Variants in IL21 observed in about 807,000 individuals in gnomAD.
The protein encoded by IL21 is interleukin-21.
In IL21, 3 loss-of-function variants were observed where a neutral mutation model predicts 18.4. That is an observed-to-expected ratio of 0.16 (90% CI 0.07 to 0.42). IL21 has a LOEUF of 0.42. Ranked by LOEUF, IL21 falls within the 10% of genes least tolerant of loss-of-function variation. IL21 has a pLI of 0.99. For synonymous variants in IL21, 37 were observed against 62.0 expected (o/e 0.60, Z 1.90); for missense variants, 130 against 188.4 (o/e 0.69, Z 1.81).
At chr4:122,616,065 TTA>T (rs562561460) in intron 2 of IL21, among the ~76,000 whole-genome samples, 4 of 152,316 alleles carry the variant, frequency 2.6e-5, no homozygotes, top group African/African-American at 9.6e-5. Flanking sequence ...TCACAATGCT[TTA>T]TTCCTGATGC....
chr4:122,615,393 C>T (rs772043621), intron 3 of IL21, among the ~76,000 whole-genome samples: 2 of 151,992 alleles, frequency 1.3e-5, no homozygotes, highest in Non-Finnish European at 2.9e-5. Context: ...GGCATGGTGG[C>T]GGGCACCTGT....
Position 122,612,945 on chromosome 4 carries a change from AAGTAAC to A in IL21, c.361-23_361-18del, listed in dbSNP as rs1799280712. The A allele has an allele frequency of 6.8e-7, 1 of 1,479,616 alleles. No homozygotes were observed. The highest frequency in any genetic ancestry group is 9.2e-7 in the Non-Finnish European group (1 of 1,084,926). The allele number at this position is 1,479,616 out of a possible 1,614,324, so 91.7% of individuals were successfully genotyped here. On this transcript the variant is annotated intron_variant, in intron 3 of 4. Transcript: ENST00000648588. ...AGGGCATGTCTAGAAATCAATGAAA[AAGTAAC>A]AGTCTTCTTTAAAATTTTTTTCGTA...
intron 2 of IL21, among the ~76,000 whole-genome samples, chr4:122,617,419 C>T (rs1418670484): frequency 2.0e-5 from 3 of 152,052 alleles, no homozygotes; most frequent in Admixed American, 6.6e-5. Flanking sequence ...CTGCTTCATC[C>T]GTGATGATCT....
intron 2 of IL21, among the ~76,000 whole-genome samples, chr4:122,617,279 A>G (rs1278373058): frequency 6.6e-6 from 1 of 152,166 alleles, no homozygotes; most frequent in Non-Finnish European, 1.5e-5. Flanking sequence ...TTTCCTTGAA[A>G]ACCACACGTT....
At chr4:122,613,794 A>G (rs1799298053) in intron 3 of IL21, among the ~76,000 whole-genome samples, 1 of 152,256 alleles carries the variant, frequency 6.6e-6, no homozygotes, top group Non-Finnish European at 1.5e-5. Context: ...GCTTTGATAT[A>G]CATTATAAAG....
At position 122,616,522 on chromosome 4, in the gene IL21, GT is replaced by G. The variant is rs560243006; in HGVS notation, c.205-686del. 1.4e-3 allele frequency among the ~76,000 whole-genome samples: 208 copies of G among 152,292 alleles called. 1 individual carries two copies. Among genetic ancestry groups the G allele is most frequent in the African/African-American group, 4.9e-3 (203 of 41,570 alleles). On this transcript the variant is annotated intron_variant, in intron 2 of 4. Transcript: ENST00000648588. The stretch of plus-strand genomic sequence containing the variant: ...TTTTCATACTCCCAGCTCAGTTAGG[GT>G]TAGGATTCTGCCTGAATCAAGCAGT...
intron 2 of IL21, among the ~76,000 whole-genome samples, chr4:122,620,318 C>T (rs17880969): frequency 0.05 from 7,678 of 152,150 alleles, 282 homozygotes; most frequent in Non-Finnish European, 0.075. Context: ...TATGTTTCTT[C>T]GGTAGGATAA....
At position 122,619,141 on chromosome 4, in the gene IL21, A is replaced by C. The variant is rs767968096; in HGVS notation, c.204+1560T>G. 2.8e-4 allele frequency: 42 copies of C among 152,204 alleles called. 2 individuals are homozygous for C. Among genetic ancestry groups the C allele is most frequent in the Admixed American group, 2.6e-3 (40 of 15,284 alleles). The allele number at this position is 152,204 out of a possible 1,614,324, so 9.4% of individuals were successfully genotyped here. ...AAAAAGAAAGATGCCTGGCTAGGCC[A>C]ATTAGAGATCTTAGATAATTACTAT... On this transcript the variant is annotated intron_variant, in intron 2 of 4. Transcript: ENST00000648588.
In IL21 at chr4:122,612,664, A is replaced by G. The variant is rs572257589; in HGVS notation, c.*46T>C. ...GGAATACAAAGAAATGACTTTCACT[A>G]CTATATTAGAGTATGTAACATAGTG... is the stretch of plus-strand genomic sequence containing the variant. On this transcript the variant is annotated 3_prime_UTR_variant, in exon 5 of 5. Transcript: ENST00000648588. 16 of 1,317,056 alleles carry G rather than the reference A, an allele frequency of 1.2e-5. No homozygotes were observed. Among genetic ancestry groups the G allele is most frequent in the East Asian group, 2.3e-5 (1 of 43,356 alleles). The allele number at this position is 1,317,056 out of a possible 1,614,324, so 81.6% of individuals were successfully genotyped here. A position where few individuals can be genotyped will look rare whatever the true frequency, so the allele number is the denominator to read the frequency against.
At chr4:122,619,072 G>A (rs979132060) in intron 2 of IL21, 15 of 152,014 alleles carry the variant, frequency 9.9e-5, no homozygotes, top group African/African-American at 2.7e-4. Context: ...AATCACCACC[G>A]GTTGAGAACC....
chr4:122,615,960 A>G, intron 2 of IL21, 123 bp from the exon 3 acceptor site: 1 of 777,674 alleles, frequency 1.3e-6, no homozygotes, highest in Non-Finnish European at 2.0e-6. Flanking sequence ...TCAACAGATG[A>G]GTGAGGTATG....
chr4:122,616,242 CA>C (rs1799336268), intron 2 of IL21, among the ~76,000 whole-genome samples: 1 of 152,178 alleles, frequency 6.6e-6, no homozygotes, highest in Non-Finnish European at 1.5e-5. Flanking sequence ...TGATGAAGAA[CA>C]TTTTTCATTT....
At position 122,612,345 on chromosome 4, in the gene IL21, ATATATGTTTTAAGT is replaced by A. The variant is rs1230674043; in HGVS notation, c.*351_*364del. On this transcript the variant is annotated 3_prime_UTR_variant, in exon 5 of 5. Coordinates refer to ENST00000648588, the MANE Select transcript of IL21 (RefSeq NM_021803.4). ...CTATATTATCAGCTGGAATGAAGGT[ATATATGTTTTAAGT>A]TATGATCATAATAGACCTCATTCTG... 6.6e-6 allele frequency among the ~76,000 whole-genome samples: 1 copy of A among 152,054 alleles called. No homozygotes were observed. The highest frequency in any genetic ancestry group is 1.5e-5 in the Non-Finnish European group (1 of 67,974).
chr4:122,611,348 C>T lies in IL21; in HGVS notation c.*1362G>A, dbSNP rs1185747513. 1.3e-5 allele frequency among the ~76,000 whole-genome samples: 2 copies of T among 151,982 alleles called. No homozygotes were observed. Among genetic ancestry groups the T allele is most frequent in the South Asian group, 2.1e-4 (1 of 4,826 alleles). On this transcript the variant is annotated 3_prime_UTR_variant, in exon 5 of 5. Transcript: ENST00000648588. ...CATTGAGATTTGATTAAATAATTCT[C>T]AATATATCTTTTAGAACTGTAGGTT...
intron 3 of IL21, among the ~76,000 whole-genome samples, chr4:122,614,771 A>G (rs1799314062): frequency 6.6e-6 from 1 of 152,196 alleles, no homozygotes; most frequent in Non-Finnish European, 1.5e-5. Flanking sequence ...TAATCTTTGA[A>G]TTACTCATGT....
chr4:122,615,893 A>T, intron 2 of IL21, 56 bp from the exon 3 acceptor site: 1 of 1,437,770 alleles, frequency 7.0e-7, no homozygotes, highest in Non-Finnish European at 9.6e-7. Flanking sequence ...AAAGTAAAAG[A>T]TAGCTTTCCC....
intron 3 of IL21, among the ~76,000 whole-genome samples, chr4:122,614,636 G>A (rs1042284154): frequency 1.3e-5 from 2 of 152,006 alleles, no homozygotes; most frequent in African/African-American, 4.8e-5. Context: ...GAACTGGGAG[G>A]TGGAAGCTGC....
intron 2 of IL21, among the ~76,000 whole-genome samples, chr4:122,617,508 C>T (rs1286255123): frequency 6.6e-6 from 1 of 152,140 alleles, no homozygotes; most frequent in African/African-American, 2.4e-5. Flanking sequence ...AATTAGGTTC[C>T]AAAGAAGTAG....
In IL21 at chr4:122,612,930, T is replaced by TAGA; in HGVS notation, c.361-5_361-3dup. The stretch of plus-strand genomic sequence containing the variant: ...ATAAGAATCACATGAAGGGCATGTC[T>TAGA]AGAAATCAATGAAAAAGTAACAGTC... On this transcript the variant is annotated splice_polypyrimidine_tract_variant and splice_region_variant and intron_variant, in intron 3 of 4. Transcript: ENST00000648588. 1.3e-6 allele frequency: 2 copies of TAGA among 1,553,388 alleles called. No individual in the cohort carries two copies. Among genetic ancestry groups the TAGA allele is most frequent in the Non-Finnish European group, 1.7e-6 (2 of 1,144,108 alleles).
Sources: gnomAD v4.1 joint callset for allele counts (sites outside exome capture counted in the v4.1 genomes callset) on GRCh38, gnomAD v4.1.1 for gene constraint, MANE v1.5 for transcripts, NCBI Gene and HGNC (gene_info 2026-07-23, HGNC 2026-07-21) for gene names.